The following ADARB1 variants were observed in gnomAD, a reference collection of about 807,000 sequenced individuals.
The protein encoded by ADARB1 is double-stranded RNA-specific editase 1.
In ADARB1, 10 loss-of-function variants were observed where a neutral mutation model predicts 52.4. That is an observed-to-expected ratio of 0.19 (90% confidence interval 0.12 to 0.32). ADARB1 has a LOEUF of 0.32. Among genes scored for constraint, ADARB1 ranks in the 10% least tolerant of loss-of-function variants. The pLI is 1.00. For missense variants in ADARB1, 643 were observed against 922.3 expected (o/e 0.70, Z 3.92); for synonymous variants, 349 against 371.1 (o/e 0.94, Z 0.68).
chr21:45,130,997 A>G (rs1296731311), intron 2 of ADARB1, among the ~76,000 whole-genome samples: 2 of 152,224 alleles, frequency 1.3e-5, no homozygotes, highest in South Asian at 2.1e-4. Flanking sequence ...GCCACCCCAC[A>G]CCACATCTTC....
Position 45,224,052 on chromosome 21 carries a change from G to T in ADARB1, c.*1855G>T, listed in dbSNP as rs2093013545. On this transcript the variant is annotated 3_prime_UTR_variant, in exon 11 of 11. Coordinates refer to ENST00000348831, the MANE Select transcript of ADARB1 (RefSeq NM_001112.4). ...GTTCTGCACCTGCAGAAGGAGAGGG[G>T]TCTGTTGTCGCTGGCTTTCCCCCAA... 1.0e-6 allele frequency: 1 copy of T among 985,442 alleles called. No homozygotes were observed. The allele number at this position is 985,442 out of a possible 1,614,324, so 61.0% of individuals were successfully genotyped here. A position where few individuals can be genotyped will look rare whatever the true frequency, so the allele number is the denominator to read the frequency against.
rs552276722 is a variant in ADARB1, at chr21:45,086,350, A to G, written c.-220+11557A>G. 2.0e-5 allele frequency among the ~76,000 whole-genome samples: 3 copies of G among 152,330 alleles called. No homozygotes were observed. The South Asian group carries it at 6.2e-4, about 32-fold the overall frequency. On this transcript the variant is annotated intron_variant, in intron 1 of 10. Transcript: ENST00000348831. ...TTGAGGCGGTTTTGTTTTGTTTTAA[A>G]CAGCTGCCATGAAATGCACCCTCTC...
At chr21:45,116,233 T>G (rs2087815413) in intron 1 of ADARB1, among the ~76,000 whole-genome samples, 1 of 152,244 alleles carries the variant, frequency 6.6e-6, no homozygotes, top group Non-Finnish European at 1.5e-5. Context: ...ATTGGCCTTT[T>G]CTCCATCTTC....
chr21:45,144,601 T>G, intron 2 of ADARB1: 1 of 447,856 alleles, frequency 2.2e-6, no homozygotes, highest in Non-Finnish European at 4.5e-6. Context: ...AGACATTCTA[T>G]TTTTATGTTT....
rs758364274 is a variant in ADARB1, at chr21:45,220,792, G to T, written c.1748-44G>T. The T allele has an allele frequency of 2.1e-5, 33 of 1,598,546 alleles. No individual in the cohort carries two copies. The highest frequency in any genetic ancestry group is 2.3e-5 in the Non-Finnish European group (27 of 1,169,466). On this transcript the variant is annotated intron_variant, in intron 9 of 10. Transcript: ENST00000348831. This position sits in a 1 kb window ranked among gnomAD's most constrained non-coding sequence, Gnocchi z 6.3. ...GCCCGTGGCTGCTCCCTCCCTGGGG[G>T]TGAAAGCGGGCTTCACACCACCTTC...
In ADARB1 at chr21:45,178,841, C is replaced by T. The variant is rs941823916; in HGVS notation, c.964-1489C>T. ...TTAATGAGACCAGTAATCCCCTCAACGGGGTGCTGAGCCCTGGCCATGTGC... is the reference window on the plus strand; with the variant it reads ...TTAATGAGACCAGTAATCCCCTCAATGGGGTGCTGAGCCCTGGCCATGTGC... On this transcript the variant is annotated intron_variant, in intron 4 of 10. Coordinates refer to ENST00000348831, the MANE Select transcript of ADARB1 (RefSeq NM_001112.4). 3.9e-5 allele frequency among the ~76,000 whole-genome samples: 6 copies of T among 152,230 alleles called. 1 individual carries two copies. Among genetic ancestry groups the T allele is most frequent in the African/African-American group, 1.4e-4 (6 of 41,542 alleles).
intron 1 of ADARB1, among the ~76,000 whole-genome samples, chr21:45,081,999 G>A (rs2086170803): frequency 6.6e-6 from 1 of 152,212 alleles, no homozygotes; most frequent in Admixed American, 6.5e-5. Context: ...AGAGGTGGCA[G>A]AACTGGAGAA....
chr21:45,115,664 A>G (rs902587767), intron 1 of ADARB1, among the ~76,000 whole-genome samples: 4 of 152,230 alleles, frequency 2.6e-5, no homozygotes, highest in African/African-American at 7.2e-5. Context: ...TTTAAACTTA[A>G]TAGTTGAGGT....
chr21:45,135,028 A>G (rs565001536), intron 2 of ADARB1, among the ~76,000 whole-genome samples: 21 of 152,292 alleles, frequency 1.4e-4, no homozygotes, highest in Non-Finnish European at 2.2e-4. Context: ...TGGTTTTTAC[A>G]TTTTTAAGGA....
At chr21:45,133,161 G>C (rs1480123888) in intron 2 of ADARB1, among the ~76,000 whole-genome samples, 1 of 152,240 alleles carries the variant, frequency 6.6e-6, no homozygotes, top group South Asian at 2.1e-4. Flanking sequence ...CCCTGATTCT[G>C]TTCCTTGAAG....
chr21:45,185,162 CT>C, intron 8 of ADARB1, 71 bp downstream of exon 8: 3 of 1,536,682 alleles, frequency 2.0e-6, no homozygotes, highest in Non-Finnish European at 2.7e-6. Context: ...GCCAACCTCC[CT>C]TTTCCACAAC....
intron 1 of ADARB1, among the ~76,000 whole-genome samples, chr21:45,090,313 AT>A (rs1445955776): frequency 6.6e-6 from 1 of 151,730 alleles, no homozygotes; most frequent in East Asian, 1.9e-4. Flanking sequence ...AATACCTTCT[AT>A]TTTTTCAAAA....
chr21:45,133,584 G>A (rs2089091255), intron 2 of ADARB1: 1 of 180,236 alleles, frequency 5.5e-6, no homozygotes, highest in Non-Finnish European at 1.2e-5. Flanking sequence ...AGGCAGGGGA[G>A]TGTACAAGGT....
intron 9 of ADARB1, among the ~76,000 whole-genome samples, chr21:45,209,102 G>T (rs866143749): frequency 2.0e-5 from 3 of 152,232 alleles, no homozygotes; most frequent in African/African-American, 7.2e-5. Context: ...TTGGCATCAA[G>T]AATTAATATT....
At chr21:45,154,310 G>A (rs1020787193) in intron 2 of ADARB1, among the ~76,000 whole-genome samples, 3 of 152,164 alleles carry the variant, frequency 2.0e-5, no homozygotes, top group Admixed American at 1.3e-4. Context: ...ACAGTATCAT[G>A]TTATGTGTTA....
rs115227883 is a variant in ADARB1, at chr21:45,168,894, G to A, written c.-47-2716G>A. Reference sequence around the variant, plus strand: ...GACAAGTGATTTTTTATTGGAACCTGATTATATGATATTATGAGACTCTAA... The same window carrying A: ...GACAAGTGATTTTTTATTGGAACCTAATTATATGATATTATGAGACTCTAA... On this transcript the variant is annotated intron_variant, in intron 2 of 10. Transcript: ENST00000348831. Among the ~76,000 whole-genome samples the A allele has an allele frequency of 1.2e-3, 184 of 152,284 alleles. 2 individuals carry two copies. Among genetic ancestry groups the A allele is most frequent in the African/African-American group, 4.2e-3 (173 of 41,560 alleles).
intron 2 of ADARB1, among the ~76,000 whole-genome samples, chr21:45,143,400 G>A (rs914695095): frequency 6.6e-6 from 1 of 152,212 alleles, no homozygotes; most frequent in African/African-American, 2.4e-5. Context: ...CTCTCAGGCT[G>A]AAGGTGGCCT....
At position 45,225,186 on chromosome 21, in the gene ADARB1, A is replaced by C; in HGVS notation, c.*2989A>C. The C allele has an allele frequency of 9.6e-7, 1 of 1,044,354 alleles. No homozygotes were observed. Among genetic ancestry groups the C allele is most frequent in the Non-Finnish European group, 1.2e-6 (1 of 869,382 alleles). 64.7% of individuals were successfully genotyped at this position (1,044,354 alleles called of 1,614,324 possible). A position where few individuals can be genotyped will look rare whatever the true frequency, so the allele number is the denominator to read the frequency against. ...CCAGGGACAGAGTCCTGCTAGTGGGAGGTCTCAGGTGGGGCGGTGTGTTCT... is the reference window on the plus strand; with the variant it reads ...CCAGGGACAGAGTCCTGCTAGTGGGCGGTCTCAGGTGGGGCGGTGTGTTCT... On this transcript the variant is annotated 3_prime_UTR_variant, in exon 11 of 11. Transcript: ENST00000348831.
rs1380586935 is a variant in ADARB1, at chr21:45,200,823, TCTC to T, written c.1566-3729_1566-3727del. On this transcript the variant is annotated intron_variant, in intron 8 of 10. Transcript: ENST00000348831. The surrounding 1 kb of genome is among the most constrained non-coding windows in gnomAD (Gnocchi z 5.0). Reference sequence around the variant, plus strand: ...AGGCTGTGGTTTGGGTCAGAGTAGTTCTCCTGCCCTGTGTGGTCTGGCCGACGT... The same window carrying T: ...AGGCTGTGGTTTGGGTCAGAGTAGTTCTGCCCTGTGTGGTCTGGCCGACGT... Among the ~76,000 whole-genome samples, 1 of 152,086 alleles carries T rather than the reference TCTC, an allele frequency of 6.6e-6. No individual in the cohort carries two copies. The highest frequency in any genetic ancestry group is 2.4e-5 in the African/African-American group (1 of 41,394).
Sources: allele counts gnomAD v4.1 joint callset (sites outside exome capture counted in the v4.1 genomes callset), GRCh38; gene constraint gnomAD v4.1.1; non-coding constraint Gnocchi (gnomAD v3.1); transcripts MANE v1.5; gene names NCBI Gene and HGNC (gene_info 2026-07-23, HGNC 2026-07-21).